Variants in CADM2 observed in about 807,000 individuals in gnomAD.
CADM2 encodes the protein immunoglobulin superfamily member 4D.
In CADM2, 12 loss-of-function variants were observed where a neutral mutation model predicts 49.8. The ratio of observed to expected loss-of-function variants is 0.24; its 90% CI spans 0.15 to 0.39. CADM2 has a LOEUF of 0.39. Ranked by LOEUF, CADM2 falls within the 10% of genes least tolerant of loss-of-function variation. CADM2 has a pLI of 1.00. For synonymous variants in CADM2, 214 were observed against 175.4 expected (o/e 1.22, Z -1.74); for missense variants, 378 against 492.3 (o/e 0.77, Z 2.20).
At chr3:85,626,730 C>T (rs1300523711) in intron 1 of CADM2, among the ~76,000 whole-genome samples, 26 of 152,030 alleles carry the variant, frequency 1.7e-4, no homozygotes, top group Non-Finnish European at 7.4e-5. Flanking sequence ...TTTTTTCCAA[C>T]TCTTTCAGTA....
chr3:85,435,119 A>G (rs1021859092), intron 1 of CADM2, among the ~76,000 whole-genome samples: 1 of 152,054 alleles, frequency 6.6e-6, no homozygotes, highest in Non-Finnish European at 1.5e-5. Flanking sequence ...TGCTACACCC[A>G]TCTACCTATC....
intron 6 of CADM2, among the ~76,000 whole-genome samples, chr3:85,927,091 C>T (rs1719970626): frequency 6.6e-6 from 1 of 152,066 alleles, no homozygotes; most frequent in Non-Finnish European, 1.5e-5. Flanking sequence ...TTTGATGAGC[C>T]AATGCATACA....
intron 1 of CADM2, among the ~76,000 whole-genome samples, chr3:85,590,770 T>TA (rs1218944420): frequency 3.3e-5 from 5 of 151,864 alleles, no homozygotes; most frequent in Non-Finnish European, 7.4e-5. Context: ...TATTGACAAA[T>TA]ACCTAGAGGA....
intron 1 of CADM2, among the ~76,000 whole-genome samples, chr3:85,594,853 A>G (rs955080475): frequency 3.3e-5 from 5 of 152,026 alleles, no homozygotes; most frequent in African/African-American, 4.8e-5. Context: ...TACATTAGCT[A>G]TGCTTAAAGT....
At chr3:85,737,935 C>T (rs1349914896) in intron 2 of CADM2, among the ~76,000 whole-genome samples, 3 of 152,146 alleles carry the variant, frequency 2.0e-5, no homozygotes, top group Non-Finnish European at 4.4e-5. Context: ...GATTTCAAAA[C>T]GTTTCCGTGT....
chr3:84,976,877 T>C (rs1368922882), intron 1 of CADM2, among the ~76,000 whole-genome samples: 2 of 151,912 alleles, frequency 1.3e-5, no homozygotes, highest in Non-Finnish European at 2.9e-5. Flanking sequence ...TAGAAGACTT[T>C]TTTCATCTTG....
chr3:85,358,158 C>T (rs2032029478), intron 1 of CADM2, among the ~76,000 whole-genome samples: 1 of 152,050 alleles, frequency 6.6e-6, no homozygotes, highest in South Asian at 2.1e-4. Flanking sequence ...ATGAATGCTG[C>T]ATCCCTGGCT....
chr3:85,724,680 T>G (rs1265065822), intron 1 of CADM2, among the ~76,000 whole-genome samples: 1 of 151,014 alleles, frequency 6.6e-6, no homozygotes, highest in East Asian at 1.9e-4. Context: ...AAATGCACAC[T>G]TTTTTTTTAG....
intron 1 of CADM2, among the ~76,000 whole-genome samples, chr3:85,165,251 C>T (rs1426766387): frequency 2.0e-5 from 3 of 151,828 alleles, no homozygotes; most frequent in Non-Finnish European, 2.9e-5. Context: ...TTAATATTCT[C>T]CATCTCTCTG....
intron 8 of CADM2, among the ~76,000 whole-genome samples, chr3:86,029,436 G>A (rs1393037030): frequency 6.6e-6 from 1 of 151,716 alleles, no homozygotes; most frequent in Non-Finnish European, 1.5e-5. Context: ...TATTTGTGGG[G>A]AACAAAAAAA....
intron 8 of CADM2, among the ~76,000 whole-genome samples, chr3:86,037,949 A>G (rs1559816559): frequency 6.6e-6 from 1 of 152,114 alleles, no homozygotes; most frequent in Non-Finnish European, 1.5e-5. Context: ...TAAACCCTGC[A>G]TACATTAGGT....
chr3:85,529,803 C>T (rs773975503), intron 1 of CADM2, among the ~76,000 whole-genome samples: 2 of 151,958 alleles, frequency 1.3e-5, no homozygotes, highest in Admixed American at 6.6e-5. Flanking sequence ...CAGATTCACT[C>T]TTCTGGTTAA....
intron 8 of CADM2, among the ~76,000 whole-genome samples, chr3:85,979,539 T>C (rs1727220805): frequency 6.6e-6 from 1 of 151,634 alleles, no homozygotes; most frequent in Non-Finnish European, 1.5e-5. Context: ...GACTTTAAAA[T>C]GTTGGTCAAA....
intron 3 of CADM2, among the ~76,000 whole-genome samples, chr3:85,854,655 G>A (rs566641692): frequency 1.5e-4 from 23 of 152,188 alleles, no homozygotes; most frequent in Non-Finnish European, 3.4e-4. Context: ...GGGAGGGATA[G>A]CGTTAGGAGA....
chr3:85,100,443 T>A (rs150946220), intron 1 of CADM2, among the ~76,000 whole-genome samples: 1 of 152,290 alleles, frequency 6.6e-6, no homozygotes, highest in East Asian at 1.9e-4. Context: ...GCCTTATCTA[T>A]CCTAATGCAT....
chr3:85,923,789 C>G (rs1669365426), intron 6 of CADM2, among the ~76,000 whole-genome samples: 1 of 152,132 alleles, frequency 6.6e-6, no homozygotes, highest in Non-Finnish European at 1.5e-5. Flanking sequence ...CAATAATCAG[C>G]TCCCTGTGGT....
chr3:85,725,486 T>G (rs2067663308), intron 1 of CADM2, among the ~76,000 whole-genome samples: 1 of 151,976 alleles, frequency 6.6e-6, no homozygotes, highest in Non-Finnish European at 1.5e-5. Flanking sequence ...CTTAACATCA[T>G]TTAGAAAGCC....
chr3:85,411,225 C>T (rs1478095484), intron 1 of CADM2, among the ~76,000 whole-genome samples: 1 of 151,982 alleles, frequency 6.6e-6, no homozygotes, highest in East Asian at 1.9e-4. Context: ...CTCTAGGGGT[C>T]TTATTAGAGT....
At chr3:85,858,995 G>A (rs1432148866) in intron 3 of CADM2, among the ~76,000 whole-genome samples, 2 of 152,130 alleles carry the variant, frequency 1.3e-5, no homozygotes, top group Non-Finnish European at 2.9e-5. Flanking sequence ...CTTCAAACAA[G>A]AGAAGATATT....
Sources: allele counts gnomAD v4.1 joint callset (sites outside exome capture counted in the v4.1 genomes callset), GRCh38; gene constraint gnomAD v4.1.1; transcripts MANE v1.5; gene names NCBI Gene and HGNC (gene_info 2026-07-23, HGNC 2026-07-21).